The following CACNG3 variants were observed in gnomAD, a reference collection of about 807,000 sequenced individuals.
The protein encoded by CACNG3 is voltage-dependent calcium channel gamma-3 subunit.
CACNG3 carries 3 observed loss-of-function variants against 28.5 expected under a neutral mutation model. That is an observed-to-expected ratio of 0.11 (90% confidence interval 0.05 to 0.27). The LOEUF is 0.27. Ranked by LOEUF, CACNG3 falls within the 10% of genes least tolerant of loss-of-function variation. The probability of loss-of-function intolerance (pLI) is 1.00; values close to 1 mark genes in which losing one functional copy is unlikely to be tolerated. For missense variants in CACNG3, 236 were observed against 414.4 expected (o/e 0.57, Z 3.74); for synonymous variants, 174 against 162.2 (o/e 1.07, Z -0.55).
At chr16:24,262,672 T>C (rs1044391359) in intron 1 of CACNG3, among the ~76,000 whole-genome samples, 2 of 152,228 alleles carry the variant, frequency 1.3e-5, no homozygotes, top group African/African-American at 4.8e-5. Flanking sequence ...CATTGGTTGT[T>C]ACATATTTTA....
rs765436999 is a variant in CACNG3, at chr16:24,361,310, G to A, written c.437-42G>A. On this transcript the variant is annotated intron_variant, in intron 3 of 3. Transcript: ENST00000005284. The surrounding 1 kb of genome is among the most constrained non-coding windows in gnomAD (Gnocchi z 6.8). ...AAGATGGAAAGTGACAGTTCTCTCC[G>A]AGGTGTATAAAGGACGTGTTTTTCT... is the stretch of plus-strand genomic sequence containing the variant. The A allele has an allele frequency of 4.9e-6, 7 of 1,420,150 alleles. No individual in the cohort carries two copies. The highest frequency in any genetic ancestry group is 6.7e-6 in the Non-Finnish European group (7 of 1,043,520). 88.0% of individuals were successfully genotyped at this position (1,420,150 alleles called of 1,614,324 possible).
At chr16:24,341,706 C>T (rs1303666721) in intron 1 of CACNG3, among the ~76,000 whole-genome samples, 3 of 152,162 alleles carry the variant, frequency 2.0e-5, no homozygotes, top group East Asian at 3.8e-4. Context: ...TTCATGCCTA[C>T]GTGGGACACC....
Position 24,266,702 on chromosome 16 carries a change from G to T in CACNG3, c.211+9737G>T, listed in dbSNP as rs964531605. On this transcript the variant is annotated intron_variant, in intron 1 of 3. Coordinates refer to ENST00000005284, the MANE Select transcript of CACNG3 (RefSeq NM_006539.4). ...AAGCTTTTTCTAAAATGGTGCAGAT[G>T]AATGACAATGTCTACTACTAGAAGC... 2.6e-5 allele frequency among the ~76,000 whole-genome samples: 4 copies of T among 152,324 alleles called. No individual in the cohort carries two copies. The East Asian group carries it at 7.7e-4, about 29-fold the overall frequency.
rs780325769 is a variant in CACNG3 at position 24,296,489 on chromosome 16, C to A, written c.211+39524C>A. Among the ~76,000 whole-genome samples the A allele has an allele frequency of 4.1e-4, 63 of 152,194 alleles. 1 individual carries two copies. Among genetic ancestry groups the A allele is most frequent in the Non-Finnish European group, 7.1e-4 (48 of 68,022 alleles). ...GCTCACGGGACTGTGGCGATACTACCGTTATCTCTGAAGACACTCCTGAAC... is the reference window on the plus strand; with the variant it reads ...GCTCACGGGACTGTGGCGATACTACAGTTATCTCTGAAGACACTCCTGAAC... On this transcript the variant is annotated intron_variant, in intron 1 of 3. Coordinates refer to ENST00000005284, the MANE Select transcript of CACNG3 (RefSeq NM_006539.4).
At chr16:24,317,717 G>GA (rs199686937) in intron 1 of CACNG3, among the ~76,000 whole-genome samples, 12 of 141,054 alleles carry the variant, frequency 8.5e-5, no homozygotes, top group African/African-American at 3.3e-4. Context: ...AGAAAGAAAA[G>GA]AAAGAAAAGA....
At chr16:24,295,016 A>G (rs149106838) in intron 1 of CACNG3, among the ~76,000 whole-genome samples, 1 of 152,304 alleles carries the variant, frequency 6.6e-6, no homozygotes, top group African/African-American at 2.4e-5. Context: ...CCTCACATGC[A>G]TGTTGGGGAG....
At chr16:24,271,634 T>C (rs1018716377) in intron 1 of CACNG3, among the ~76,000 whole-genome samples, 1 of 152,206 alleles carries the variant, frequency 6.6e-6, no homozygotes, top group Non-Finnish European at 1.5e-5. Flanking sequence ...AATGTACTTA[T>C]TGAGCCGCTA....
intron 1 of CACNG3, among the ~76,000 whole-genome samples, chr16:24,318,753 G>A (rs960190614): frequency 1.3e-5 from 2 of 152,156 alleles, no homozygotes; most frequent in African/African-American, 4.8e-5. Context: ...CAGAGGAAGG[G>A]CAGCTGTTAA....
chr16:24,275,847 A>G (rs1898745776), intron 1 of CACNG3, among the ~76,000 whole-genome samples: 1 of 152,260 alleles, frequency 6.6e-6, no homozygotes, highest in Non-Finnish European at 1.5e-5. Flanking sequence ...CCGAATGACC[A>G]ATGAATGATG....
chr16:24,280,142 C>A (rs959004603), intron 1 of CACNG3, among the ~76,000 whole-genome samples: 3 of 152,176 alleles, frequency 2.0e-5, no homozygotes, highest in Admixed American at 6.5e-5. Context: ...GAGGTCACTG[C>A]CAGTCTAATT....
intron 2 of CACNG3, among the ~76,000 whole-genome samples, chr16:24,353,116 C>T (rs1388280797): frequency 1.3e-5 from 2 of 152,200 alleles, no homozygotes; most frequent in Admixed American, 1.3e-4. Flanking sequence ...GCTGAGATTA[C>T]AGGTGCCCTC....
chr16:24,314,654 T>C (rs373726934), intron 1 of CACNG3, among the ~76,000 whole-genome samples: 12 of 152,160 alleles, frequency 7.9e-5, no homozygotes, highest in African/African-American at 2.9e-4. Flanking sequence ...TAGATATATA[T>C]GTCCCTGTGT....
intron 1 of CACNG3, among the ~76,000 whole-genome samples, chr16:24,305,763 G>A (rs2141362211): frequency 6.6e-6 from 1 of 152,218 alleles, no homozygotes; most frequent in Non-Finnish European, 1.5e-5. Flanking sequence ...GTATACCTAT[G>A]TAACAAACCT....
intron 1 of CACNG3, among the ~76,000 whole-genome samples, chr16:24,303,153 G>A (rs1240035406): frequency 6.6e-6 from 1 of 151,912 alleles, no homozygotes; most frequent in Admixed American, 6.6e-5. Context: ...AAAAACAACT[G>A]CTTTGCCCCA....
intron 1 of CACNG3, among the ~76,000 whole-genome samples, chr16:24,307,368 C>T (rs1182699576): frequency 6.6e-6 from 1 of 152,008 alleles, no homozygotes; most frequent in African/African-American, 2.4e-5. Context: ...GTGATCCACC[C>T]ACCTCAGCCT....
At chr16:24,271,387 G>T (rs546173933) in intron 1 of CACNG3, among the ~76,000 whole-genome samples, 2 of 152,210 alleles carry the variant, frequency 1.3e-5, no homozygotes, top group South Asian at 4.1e-4. Context: ...GGAAAAATAG[G>T]TTTTTTTAAA....
At chr16:24,357,771 C>T (rs976818989) in intron 3 of CACNG3, among the ~76,000 whole-genome samples, 3 of 152,190 alleles carry the variant, frequency 2.0e-5, no homozygotes, top group African/African-American at 7.2e-5. Context: ...GGGTGCTTGG[C>T]CGATCCAGAG....
chr16:24,316,998 A>C (rs1460947875), intron 1 of CACNG3, among the ~76,000 whole-genome samples: 2 of 152,180 alleles, frequency 1.3e-5, no homozygotes, highest in Non-Finnish European at 2.9e-5. Flanking sequence ...AATCTAATAT[A>C]ATACCTAGGA....
chr16:24,297,858 A>AT (rs369716677), intron 1 of CACNG3, among the ~76,000 whole-genome samples: 7 of 151,752 alleles, frequency 4.6e-5, no homozygotes, highest in South Asian at 2.1e-4. Flanking sequence ...ATTTTTCTGC[A>AT]TTTTTTTTAG....
Sources: allele counts gnomAD v4.1 joint callset (sites outside exome capture counted in the v4.1 genomes callset), GRCh38; gene constraint gnomAD v4.1.1; non-coding constraint Gnocchi (gnomAD v3.1); transcripts MANE v1.5; gene names NCBI Gene and HGNC (gene_info 2026-07-23, HGNC 2026-07-21).